The following SEH1L variants were observed in gnomAD, a reference collection of about 807,000 sequenced individuals.
SEH1L encodes the protein nucleoporin SEH1.
Under a neutral mutation model 49.5 loss-of-function variants are expected in SEH1L, and 18 were observed. The ratio of observed to expected loss-of-function variants is 0.36; its 90% CI spans 0.25 to 0.54. The LOEUF is 0.54. Among genes scored for constraint, SEH1L ranks in the 20% least tolerant of loss-of-function variants. The probability of loss-of-function intolerance (pLI) is 0.87; values close to 1 mark genes in which losing one functional copy is unlikely to be tolerated. For synonymous variants in SEH1L, 169 were observed against 178.1 expected, an observed-to-expected ratio of 0.95 and a Z score of 0.41; for missense variants, 404 against 528.8, an observed-to-expected ratio of 0.76 and a Z score of 2.31.
At chr18:12,957,349 A>T (rs2030929123) in intron 3 of SEH1L, among the ~76,000 whole-genome samples, 1 of 151,168 alleles carries the variant, frequency 6.6e-6, no homozygotes, top group Non-Finnish European at 1.5e-5. Flanking sequence ...AATCGCTTGA[A>T]CCCGGGAGGC....
At position 12,978,763 on chromosome 18, in the gene SEH1L, A is replaced by C; in HGVS notation, c.632A>C (p.Lys211Thr). Residue 211 changes from lysine (K) to threonine (T), a missense_variant, in exon 6 of 9, where the codon AAA (lysine) becomes ACA (threonine). This residue lies in a region of SEH1L where 342 missense variants were observed against 430.8 expected (regional missense o/e 0.79). Transcript: ENST00000399892. ...TGTTTTTCCATTAGGAAATATGCAA[A>C]AGCTGAAACTCTTATGACAGTCACT... The part of the protein sequence containing the change: ...EYNENTRKYA[K>T]AETLMTVTDP... 1 of 1,607,550 alleles carries C rather than the reference A, an allele frequency of 6.2e-7. No homozygotes were observed. Among genetic ancestry groups the C allele is most frequent in the Non-Finnish European group, 8.5e-7 (1 of 1,177,378 alleles).
chr18:12,983,721 TTAA>T (rs1181040161), intron 7 of SEH1L, among the ~76,000 whole-genome samples: 1 of 152,218 alleles, frequency 6.6e-6, no homozygotes, highest in Non-Finnish European at 1.5e-5. Flanking sequence ...AATGAAGACT[TTAA>T]TATTATAATG....
chr18:12,952,014 C>T (rs2030563800), intron 2 of SEH1L, 109 bp downstream of exon 2: 1 of 555,456 alleles, frequency 1.8e-6, no homozygotes, highest in Non-Finnish European at 3.0e-6. Flanking sequence ...TAGTTCTTTT[C>T]CTGGGAAGAC....
intron 3 of SEH1L, among the ~76,000 whole-genome samples, chr18:12,956,719 C>G (rs1054016784): frequency 1.3e-5 from 2 of 148,996 alleles, no homozygotes; most frequent in Non-Finnish European, 3.0e-5. Flanking sequence ...AAAGAAAAAT[C>G]TAGCCAGATA....
chr18:12,978,933 C>A lies in SEH1L; in HGVS notation c.761+41C>A, dbSNP rs1413777905. ...ATTTATGAATTTGAAAATACTCTTG[C>A]CTTCTGATTACCTTTGTTTGTGGAG... is the stretch of plus-strand genomic sequence containing the variant. On this transcript the variant is annotated intron_variant, in intron 6 of 8. Coordinates refer to ENST00000399892, the MANE Select transcript of SEH1L (RefSeq NM_001013437.2). The A allele has an allele frequency of 1.9e-6, 3 of 1,589,672 alleles. No individual in the cohort carries two copies. The Admixed American group carries it at 5.0e-5, about 27-fold the overall frequency.
intron 1 of SEH1L, among the ~76,000 whole-genome samples, chr18:12,949,358 T>G (rs1048641229): frequency 6.6e-6 from 1 of 151,956 alleles, no homozygotes; most frequent in Admixed American, 6.6e-5. Context: ...AGATAAACTT[T>G]TTATAAATAG....
intron 4 of SEH1L, among the ~76,000 whole-genome samples, chr18:12,965,407 A>C (rs2031405198): frequency 6.6e-6 from 1 of 152,194 alleles, no homozygotes; most frequent in Non-Finnish European, 1.5e-5. Flanking sequence ...TTGTCTTTTG[A>C]CTACAAATTG....
rs141239172 is a variant in SEH1L at position 12,982,451 on chromosome 18, G to A, written c.762-67G>A. On this transcript the variant is annotated intron_variant, in intron 6 of 8. Transcript: ENST00000399892. ...GAATTTTACGTGTGTATATATATAT[G>A]TGTGTGTATATATATATGTTTTAAA... is the stretch of plus-strand genomic sequence containing the variant. The A allele has an allele frequency of 2.5e-4, 263 of 1,066,418 alleles. No individual in the cohort carries two copies. The East Asian group carries it at 6.4e-3, about 26-fold the overall frequency. The allele number at this position is 1,066,418 out of a possible 1,614,324, so 66.1% of individuals were successfully genotyped here.
intron 6 of SEH1L, among the ~76,000 whole-genome samples, chr18:12,979,869 G>T (rs866336871): frequency 0.022 from 3,081 of 137,988 alleles, 170 homozygotes; most frequent in African/African-American, 0.083. Flanking sequence ...TGGCCGGGCG[G>T]GGGGCTGACC....
chr18:12,954,834 T>G (rs2030758292), intron 2 of SEH1L, among the ~76,000 whole-genome samples: 1 of 152,230 alleles, frequency 6.6e-6, no homozygotes, highest in South Asian at 2.1e-4. Context: ...GTGCACCCAT[T>G]TAAAGTGTAC....
chr18:12,974,514 G>GT (rs1485731382), intron 5 of SEH1L: 1 of 152,120 alleles, frequency 6.6e-6, no homozygotes, highest in African/African-American at 2.4e-5. Context: ...TCTTGATCTT[G>GT]TGATCCGCCC....
chr18:12,964,287 A>C (rs2031332103), intron 4 of SEH1L: 1 of 152,226 alleles, frequency 6.6e-6, no homozygotes, highest in African/African-American at 2.4e-5. Flanking sequence ...AATGCTGTCA[A>C]TAGTTCTGTT....
intron 4 of SEH1L, among the ~76,000 whole-genome samples, chr18:12,965,263 C>T (rs534143913): frequency 6.6e-6 from 1 of 152,016 alleles, no homozygotes; most frequent in Non-Finnish European, 1.5e-5. Flanking sequence ...CCGCCCACCT[C>T]GGCCTCCCAA....
intron 3 of SEH1L, among the ~76,000 whole-genome samples, chr18:12,961,793 A>T (rs1247559026): frequency 1.3e-5 from 2 of 151,960 alleles, no homozygotes; most frequent in Non-Finnish European, 2.9e-5. Context: ...TAGCCTCTCT[A>T]GTAGCTGGGA....
chr18:12,949,445 T>TTTTTTTG (rs2030361733), intron 1 of SEH1L, among the ~76,000 whole-genome samples: 3 of 91,660 alleles, frequency 3.3e-5, no homozygotes, highest in Admixed American at 2.0e-4. Flanking sequence ...GTTAACCGTT[T>TTTTTTTG]TTTTTTTTTT....
Position 12,948,152 on chromosome 18 carries a change from C to T in SEH1L, c.31C>T (p.His11Tyr). 1.9e-6 allele frequency: 3 copies of T among 1,610,256 alleles called. No individual in the cohort carries two copies. The highest frequency in any genetic ancestry group is 2.5e-6 in the Non-Finnish European group (3 of 1,178,964). The change falls in exon 1 of 9, where the codon CAC becomes TAC. Residue 11 changes from histidine (H) to tyrosine (Y), a missense_variant. Physicochemically the swap from His to Tyr is moderately conservative, Grantham distance 83. Around this residue, in one of 3 missense-constraint regions of SEH1L, gnomAD observed 57 missense variants for 71.9 expected, o/e 0.79. Coordinates refer to ENST00000399892, the MANE Select transcript of SEH1L (RefSeq NM_001013437.2). ...TGTGGCTCGCAGCATCGCGGCGGACCACAAGGATCTCATCCACGATGTCTC... is the reference window on the plus strand; with the variant it reads ...TGTGGCTCGCAGCATCGCGGCGGACTACAAGGATCTCATCCACGATGTCTC... MFVARSIAAD[H>Y]KDLIHDVSFD... is the part of the protein sequence containing the mutation.
intron 4 of SEH1L, among the ~76,000 whole-genome samples, chr18:12,968,948 C>T (rs2031567644): frequency 6.6e-6 from 1 of 152,138 alleles, no homozygotes; most frequent in African/African-American, 2.4e-5. Flanking sequence ...GGTGGGGTGG[C>T]TCACGTAATT....
At chr18:12,953,243 C>T (rs1029751983) in intron 2 of SEH1L, among the ~76,000 whole-genome samples, 9 of 152,240 alleles carry the variant, frequency 5.9e-5, no homozygotes, top group East Asian at 1.9e-4. Context: ...TATATTGCCA[C>T]GTTTTGTTTG....
At chr18:12,951,971 A>G (rs1450951069) in intron 2 of SEH1L, 66 bp downstream of exon 2, 1 of 911,498 alleles carries the variant, frequency 1.1e-6, no homozygotes, top group Non-Finnish European at 1.7e-6. Flanking sequence ...ATAGTTATCT[A>G]TGAATTGTTT....
Sources: allele counts gnomAD v4.1 joint callset (sites outside exome capture counted in the v4.1 genomes callset), GRCh38; gene constraint gnomAD v4.1.1; regional missense constraint gnomAD v4.1.1; transcripts MANE v1.5; gene names NCBI Gene and HGNC (gene_info 2026-07-23, HGNC 2026-07-21).